The following LDAH variants were observed in gnomAD, a reference collection of about 807,000 sequenced individuals.
LDAH encodes lipid droplet associated hydrolase, also known as lipid droplet-associated hydrolase.
Under a neutral mutation model 29.6 loss-of-function variants are expected in LDAH, and 26 were observed. That is an observed-to-expected ratio of 0.88 (90% CI 0.64 to 1.22). The LOEUF (loss-of-function observed/expected upper bound fraction) is 1.22, where lower values mean the gene tolerates loss of function less well. Among genes scored for constraint, LDAH ranks in the 50% most tolerant of loss-of-function variants. LDAH has a pLI of 0.00. For synonymous variants in LDAH, 117 were observed against 133.0 expected, an observed-to-expected ratio of 0.88 and a Z score of 0.83; for missense variants, 344 against 387.3, an observed-to-expected ratio of 0.89 and a Z score of 0.94.
At chr2:20,775,116 C>T (rs542265296) in intron 3 of LDAH, 137 bp from the exon 4 acceptor site, 1 of 706,316 alleles carries the variant, frequency 1.4e-6, no homozygotes, top group East Asian at 2.8e-5. Flanking sequence ...TAATATTAGG[C>T]ATTCATTATA....
intron 2 of LDAH, among the ~76,000 whole-genome samples, chr2:20,795,288 T>C (rs1671230370): frequency 6.6e-6 from 1 of 152,212 alleles, no homozygotes; most frequent in Non-Finnish European, 1.5e-5. Context: ...TTCCAGTTAA[T>C]TTTGTAGGGA....
At chr2:20,821,534 C>G (rs1029376442) in intron 1 of LDAH, among the ~76,000 whole-genome samples, 1 of 152,076 alleles carries the variant, frequency 6.6e-6, no homozygotes, top group African/African-American at 2.4e-5. Context: ...CCAAACACCA[C>G]ATGTTCTCAC....
chr2:20,715,300 T>A (rs1428819362), intron 5 of LDAH, among the ~76,000 whole-genome samples: 3 of 151,884 alleles, frequency 2.0e-5, no homozygotes, highest in Non-Finnish European at 4.4e-5. Flanking sequence ...TCTCAATAGA[T>A]GCGGAAAAGG....
At chr2:20,778,441 C>G (rs1669964257) in intron 3 of LDAH, among the ~76,000 whole-genome samples, 2 of 152,114 alleles carry the variant, frequency 1.3e-5, no homozygotes, top group African/African-American at 4.8e-5. Flanking sequence ...AGTTATTAAG[C>G]AGTCATTAAA....
intron 6 of LDAH, among the ~76,000 whole-genome samples, chr2:20,695,321 A>C (rs1378838231): frequency 6.6e-6 from 1 of 152,218 alleles, no homozygotes; most frequent in Admixed American, 6.5e-5. Context: ...GTATCTGAAA[A>C]GGGGATGTGA....
At chr2:20,716,720 G>GTATATATATATATATATATAGA (rs1362301507) in intron 5 of LDAH, among the ~76,000 whole-genome samples, 1 of 131,294 alleles carries the variant, frequency 7.6e-6, no homozygotes, top group Non-Finnish European at 1.7e-5. Flanking sequence ...AGAACTTTAA[G>GTATATATATATATATATATAGA]TATATATACA....
chr2:20,752,430 C>T (rs918028509), intron 4 of LDAH, among the ~76,000 whole-genome samples: 16 of 152,152 alleles, frequency 1.1e-4, no homozygotes, highest in Admixed American at 2.6e-4. Flanking sequence ...CTGAACAAGA[C>T]GGATACACAG....
At chr2:20,692,765 G>A (rs1027678150) in intron 6 of LDAH, among the ~76,000 whole-genome samples, 2 of 152,164 alleles carry the variant, frequency 1.3e-5, no homozygotes, top group Non-Finnish European at 2.9e-5. Context: ...CTTTGGCACA[G>A]ACTACTTTGG....
intron 5 of LDAH, among the ~76,000 whole-genome samples, chr2:20,712,791 A>T (rs1664869492): frequency 6.6e-6 from 1 of 152,242 alleles, no homozygotes; most frequent in Non-Finnish European, 1.5e-5. Context: ...GGTATCAGTG[A>T]TTGAAGATCA....
chr2:20,756,614 GT>G (rs1290661257), intron 4 of LDAH, among the ~76,000 whole-genome samples: 1 of 152,044 alleles, frequency 6.6e-6, no homozygotes, highest in Admixed American at 6.5e-5. Flanking sequence ...AAAATCAAAA[GT>G]TTAATTAGAT....
At chr2:20,777,966 T>G (rs776947711) in intron 3 of LDAH, among the ~76,000 whole-genome samples, 1 of 152,180 alleles carries the variant, frequency 6.6e-6, no homozygotes, top group African/African-American at 2.4e-5. Flanking sequence ...GAAAATGTAC[T>G]CCAAGTTATA....
chr2:20,735,821 G>A (rs1386701795), intron 5 of LDAH, among the ~76,000 whole-genome samples: 1 of 152,104 alleles, frequency 6.6e-6, no homozygotes, highest in Non-Finnish European at 1.5e-5. Flanking sequence ...TGCTGGGTAG[G>A]GGAAGGAATT....
chr2:20,713,612 C>T (rs547483406), intron 5 of LDAH, among the ~76,000 whole-genome samples: 10 of 152,188 alleles, frequency 6.6e-5, no homozygotes, highest in African/African-American at 1.9e-4. Context: ...GAGTCAAGAC[C>T]CATCAGTGTG....
intron 6 of LDAH, among the ~76,000 whole-genome samples, chr2:20,694,214 G>A (rs192601805): frequency 2.0e-5 from 3 of 152,092 alleles, no homozygotes; most frequent in African/African-American, 7.2e-5. Flanking sequence ...TCCCGGGCTC[G>A]GGATATAAAC....
At chr2:20,742,567 A>G (rs1032290261) in intron 4 of LDAH, among the ~76,000 whole-genome samples, 5 of 152,092 alleles carry the variant, frequency 3.3e-5, no homozygotes, top group Non-Finnish European at 7.4e-5. Context: ...TTTATTCTGG[A>G]TAACTTTCTT....
At chr2:20,781,681 C>A (rs1670207908) in intron 3 of LDAH, among the ~76,000 whole-genome samples, 1 of 152,202 alleles carries the variant, frequency 6.6e-6, no homozygotes. Context: ...TACAGAAAGT[C>A]ACAAACCTAA....
intron 3 of LDAH, among the ~76,000 whole-genome samples, chr2:20,787,389 G>T (rs1670631927): frequency 6.6e-6 from 1 of 152,072 alleles, no homozygotes. Context: ...TGCCTCCAAG[G>T]TTCAAGCAAT....
chr2:20,798,230 C>A (rs1333203707), intron 2 of LDAH, among the ~76,000 whole-genome samples: 1 of 152,018 alleles, frequency 6.6e-6, no homozygotes, highest in African/African-American at 2.4e-5. Flanking sequence ...AGAGAATAAA[C>A]TAAGATAAAA....
In LDAH at chr2:20,740,179, T is replaced by C. The variant is rs34748076; in HGVS notation, c.495A>G (p.Pro165=). 1.2e-6 allele frequency: 2 copies of C among 1,614,030 alleles called. No individual in the cohort carries two copies. Among genetic ancestry groups the C allele is most frequent in the Non-Finnish European group, 1.7e-6 (2 of 1,179,950 alleles). The change falls in exon 5 of 7, where the codon CCA becomes CCG. Residue 165 remains proline, a synonymous_variant. Transcript: ENST00000237822. ...GTGACTCAGACATTCGTTCAATTGT[T>C]GGAAAGAGCAGAAAGGCACGAATTA... is the stretch of plus-strand genomic sequence containing the variant. ...LPVIRAFLLF[P]TIERMSESPN... is the part of the protein sequence containing the mutation.
Sources: gnomAD v4.1 joint callset for allele counts (sites outside exome capture counted in the v4.1 genomes callset) on GRCh38, gnomAD v4.1.1 for gene constraint, MANE v1.5 for transcripts, NCBI Gene and HGNC (gene_info 2026-07-23, HGNC 2026-07-21) for gene names.